NKAIN3: variants seen among roughly 807,000 people sequenced by gnomAD.
NKAIN3 encodes sodium/potassium-transporting ATPase subunit beta-1-interacting protein 3.
NKAIN3 carries 25 observed loss-of-function variants against 30.2 expected under a neutral mutation model. The observed-to-expected ratio is 0.83, with a 90% confidence interval of 0.60 to 1.16. The LOEUF (loss-of-function observed/expected upper bound fraction) is 1.16. Ranked by LOEUF, NKAIN3 falls within the 50% of genes most tolerant of loss-of-function variation. The pLI, the probability that NKAIN3 is intolerant of heterozygous loss-of-function variation, is 0.00. For missense variants in NKAIN3, 225 were observed against 254.1 expected (o/e 0.89, Z 0.78); for synonymous variants, 91 against 89.6 (o/e 1.02, Z -0.09).
rs370654678 is a variant in NKAIN3, at chr8:62,618,914, CAAAAG to C, written c.273+29141_273+29145del. ...GAGTGAGACTCCATCTCAAAAAAAA[CAAAAG>C]AAAAGAAAAGAAAAGAAAAGGGGAA... On this transcript the variant is annotated intron_variant, in intron 3 of 6. Coordinates refer to ENST00000623646, the MANE Select transcript of NKAIN3 (RefSeq NM_001304533.3). 5.6e-3 allele frequency among the ~76,000 whole-genome samples: 848 copies of C among 151,126 alleles called. 3 individuals carry two copies. The highest frequency in any genetic ancestry group is 0.018 in the South Asian group (84 of 4,754).
chr8:62,788,808 T>C (rs780423756), intron 4 of NKAIN3, among the ~76,000 whole-genome samples: 43 of 152,144 alleles, frequency 2.8e-4, no homozygotes, highest in Middle Eastern at 6.8e-3. Flanking sequence ...TCCCCATTGC[T>C]TGTTTTTGTC....
chr8:62,659,864 G>A (rs544131276), intron 3 of NKAIN3, among the ~76,000 whole-genome samples: 1 of 152,208 alleles, frequency 6.6e-6, no homozygotes, highest in South Asian at 2.1e-4. Flanking sequence ...TCTAAAAAGG[G>A]GAGTTTCCCT....
At chr8:62,753,310 A>G (rs1816346676) in intron 4 of NKAIN3, among the ~76,000 whole-genome samples, 2 of 151,836 alleles carry the variant, frequency 1.3e-5, no homozygotes, top group South Asian at 2.1e-4. Flanking sequence ...AATAATCTCT[A>G]TTATCAATTA....
chr8:62,918,339 CT>C (rs1211559921), intron 4 of NKAIN3, 113 bp from the exon 5 acceptor site: 2 of 763,476 alleles, frequency 2.6e-6, no homozygotes, highest in African/African-American at 1.8e-5. Context: ...AGTTTTTCCA[CT>C]GCAAACTCTT....
At chr8:62,736,868 T>C (rs1600539) in intron 3 of NKAIN3, among the ~76,000 whole-genome samples, 121,548 of 152,132 alleles carry the variant, frequency 0.8, 49,161 homozygotes, top group Non-Finnish European at 0.87. Context: ...TGAGAGTTCC[T>C]ACAGGGCTTC....
At chr8:62,764,109 G>A (rs912994130) in intron 4 of NKAIN3, among the ~76,000 whole-genome samples, 2 of 152,204 alleles carry the variant, frequency 1.3e-5, no homozygotes, top group Non-Finnish European at 2.9e-5. Context: ...TAGCCATTTG[G>A]CTGATGCCCT....
chr8:62,651,033 A>C (rs1398987738), intron 3 of NKAIN3, among the ~76,000 whole-genome samples: 1 of 152,060 alleles, frequency 6.6e-6, no homozygotes, highest in East Asian at 1.9e-4. Context: ...CTGTTTTAAA[A>C]ATTCAGAGAC....
chr8:62,357,830 C>T (rs2129592247), intron 1 of NKAIN3, among the ~76,000 whole-genome samples: 2 of 152,242 alleles, frequency 1.3e-5, no homozygotes, highest in South Asian at 4.1e-4. Context: ...GTAGTCTACA[C>T]TCTTAAAATT....
chr8:62,898,351 G>T (rs750140612), intron 4 of NKAIN3, among the ~76,000 whole-genome samples: 68 of 152,178 alleles, frequency 4.5e-4, no homozygotes, highest in Admixed American at 1.4e-3. Context: ...AAGAAAATTA[G>T]GTATATTCGC....
At chr8:62,732,191 C>T (rs988776331) in intron 3 of NKAIN3, among the ~76,000 whole-genome samples, 1 of 151,902 alleles carries the variant, frequency 6.6e-6, no homozygotes, top group African/African-American at 2.4e-5. Flanking sequence ...CTCTTATCTG[C>T]CCCCAATAGA....
chr8:62,502,843 G>T (rs1807504088), intron 1 of NKAIN3, among the ~76,000 whole-genome samples: 2 of 152,216 alleles, frequency 1.3e-5, no homozygotes, highest in Admixed American at 1.3e-4. Flanking sequence ...ACAAGAGCAT[G>T]GCCTTTGTCT....
At chr8:62,987,655 C>T (rs1824231475), downstream of NKAIN3, among the ~76,000 whole-genome samples, 1 of 151,726 alleles carries the variant, frequency 6.6e-6, no homozygotes, top group Non-Finnish European at 1.5e-5. Context: ...ATTCAATAAC[C>T]TCCCACTGGG....
At chr8:62,854,149 G>C (rs1819992910) in intron 4 of NKAIN3, among the ~76,000 whole-genome samples, 1 of 152,206 alleles carries the variant, frequency 6.6e-6, no homozygotes, top group African/African-American at 2.4e-5. Flanking sequence ...TAAGTTCCAT[G>C]TGGTAATGAG....
At chr8:62,515,478 T>A (rs1237630016) in intron 1 of NKAIN3, among the ~76,000 whole-genome samples, 1 of 152,146 alleles carries the variant, frequency 6.6e-6, no homozygotes, top group Non-Finnish European at 1.5e-5. Flanking sequence ...TATCTTCTTT[T>A]CTTAACTTTT....
At chr8:62,835,368 G>T (rs901696001) in intron 4 of NKAIN3, among the ~76,000 whole-genome samples, 1 of 151,998 alleles carries the variant, frequency 6.6e-6, no homozygotes, top group African/African-American at 2.4e-5. Context: ...AGATACTATT[G>T]ACGGAGTAAA....
intron 5 of NKAIN3, among the ~76,000 whole-genome samples, chr8:62,933,999 A>C (rs577789076): frequency 6.6e-6 from 1 of 152,224 alleles, no homozygotes; most frequent in Admixed American, 6.5e-5. Flanking sequence ...GGAATGATTG[A>C]GGGCATATCT....
chr8:62,787,971 A>G (rs1817577343), intron 4 of NKAIN3, among the ~76,000 whole-genome samples: 1 of 152,134 alleles, frequency 6.6e-6, no homozygotes, highest in African/African-American at 2.4e-5. Flanking sequence ...GCTATTGTGA[A>G]TAGTGCCGCA....
intron 4 of NKAIN3, among the ~76,000 whole-genome samples, chr8:62,870,557 A>G (rs1024116747): frequency 1.5e-5 from 2 of 133,574 alleles, no homozygotes; most frequent in African/African-American, 5.8e-5. Flanking sequence ...TATATACTAT[A>G]TATACTATAT....
intron 1 of NKAIN3, among the ~76,000 whole-genome samples, chr8:62,302,138 T>C (rs1814070191): frequency 6.6e-6 from 1 of 152,118 alleles, no homozygotes; most frequent in Admixed American, 6.6e-5. Context: ...CAAATGAAGC[T>C]ATTCATGGAG....
Sources: allele counts gnomAD v4.1 joint callset (sites outside exome capture counted in the v4.1 genomes callset), GRCh38; gene constraint gnomAD v4.1.1; transcripts MANE v1.5; gene names NCBI Gene and HGNC (gene_info 2026-07-23, HGNC 2026-07-21).